The following NLRC4 variants were observed in gnomAD, a reference collection of about 807,000 sequenced individuals.
NLRC4 encodes the protein NLR family CARD domain-containing protein 4.
Under a neutral mutation model 79.9 loss-of-function variants are expected in NLRC4, and 63 were observed. That is an observed-to-expected ratio of 0.79 (90% confidence interval 0.64 to 0.97). The LOEUF is 0.97. Among genes scored for constraint, NLRC4 ranks in the 50% least tolerant of loss-of-function variants. The pLI is 0.00. For missense variants in NLRC4, 1,074 were observed against 1,215.2 expected (o/e 0.88, Z 1.73); for synonymous variants, 461 against 456.5 (o/e 1.01, Z -0.12).
chr2:32,262,111 A>G (rs746237165), intron 1 of NLRC4, among the ~76,000 whole-genome samples: 9 of 152,060 alleles, frequency 5.9e-5, no homozygotes, highest in Non-Finnish European at 1.3e-4. Flanking sequence ...AAAGAAAAGA[A>G]AAGAAATTGG....
chr2:32,260,309 A>G (rs747840764), intron 1 of NLRC4, among the ~76,000 whole-genome samples: 4 of 151,258 alleles, frequency 2.6e-5, no homozygotes, highest in Non-Finnish European at 4.4e-5. Flanking sequence ...GATTGGGGCT[A>G]TCATAAATAC....
chr2:32,252,950 G>A (rs910590893), intron 2 of NLRC4, among the ~76,000 whole-genome samples: 4 of 151,826 alleles, frequency 2.6e-5, no homozygotes, highest in Non-Finnish European at 4.4e-5. Flanking sequence ...CCCAGGAGGC[G>A]GAGCTTGCAG....
chr2:32,242,031 T>A (rs1686817482), intron 4 of NLRC4, among the ~76,000 whole-genome samples: 2 of 152,128 alleles, frequency 1.3e-5, no homozygotes, highest in Admixed American at 6.5e-5. Context: ...AAAGTTATTA[T>A]GCCTTTATTA....
chr2:32,229,256 C>T (rs1686475873), intron 8 of NLRC4, among the ~76,000 whole-genome samples: 1 of 151,590 alleles, frequency 6.6e-6, no homozygotes, highest in African/African-American at 2.4e-5. Flanking sequence ...ATGATGAAAC[C>T]TCGTCTCTAC....
intron 8 of NLRC4, among the ~76,000 whole-genome samples, chr2:32,227,688 A>G (rs1003030023): frequency 3.9e-5 from 6 of 152,336 alleles, no homozygotes; most frequent in African/African-American, 1.4e-4. Context: ...CTTATCATCA[A>G]TTTAAGAGAG....
In NLRC4 at chr2:32,261,316, C is replaced by CCTTTTTTTTTTTTTTTTTTTTTTT; in HGVS notation, c.-119+3421_-119+3422insAAAAAAAAAAAAAAAAAAAAAAAG. Among the ~76,000 whole-genome samples, 12 of 96,884 alleles carry CCTTTTTTTTTTTTTTTTTTTTTTT rather than the reference C, an allele frequency of 1.2e-4. 2 individuals are homozygous for CCTTTTTTTTTTTTTTTTTTTTTTT. The highest frequency in any genetic ancestry group is 4.5e-4 in the African/African-American group (11 of 24,178). The allele number at this position is 96,884 out of a possible 152,430, so 63.6% of individuals were successfully genotyped here. A position where few individuals can be genotyped will look rare whatever the true frequency, so the allele number is the denominator to read the frequency against. On this transcript the variant is annotated intron_variant, in intron 1 of 8. Coordinates refer to ENST00000402280, the MANE Select transcript of NLRC4 (RefSeq NM_001199138.2). ...TTCTTTCGCCTATTAAGCCTCCCCC[C>CCTTTTTTTTTTTTTTTTTTTTTTT]TTTTGTTTTTTTTTGAGATGGAGCC...
At chr2:32,248,893 G>A (rs186169725) in intron 4 of NLRC4, among the ~76,000 whole-genome samples, 11 of 152,044 alleles carry the variant, frequency 7.2e-5, no homozygotes, top group South Asian at 2.1e-4. Flanking sequence ...TAAACAATTC[G>A]CAACTCATCC....
intron 8 of NLRC4, among the ~76,000 whole-genome samples, chr2:32,225,954 G>A (rs1255221321): frequency 2.0e-5 from 3 of 152,170 alleles, no homozygotes; most frequent in African/African-American, 7.2e-5. Flanking sequence ...TTATGGAAAT[G>A]AAGGTCCATG....
chr2:32,237,405 G>C (rs1474283457), intron 6 of NLRC4, among the ~76,000 whole-genome samples: 1 of 152,128 alleles, frequency 6.6e-6, no homozygotes, highest in Non-Finnish European at 1.5e-5. Flanking sequence ...TCAGTAAGTA[G>C]AGAAATAAAG....
At chr2:32,236,038 T>C (rs1686665316) in intron 7 of NLRC4, among the ~76,000 whole-genome samples, 1 of 152,134 alleles carries the variant, frequency 6.6e-6, no homozygotes, top group South Asian at 2.1e-4. Context: ...CGCCTCAAAG[T>C]GCAGTGAGCA....
chr2:32,247,409 G>A (rs1231983586), intron 4 of NLRC4, among the ~76,000 whole-genome samples: 1 of 150,246 alleles, frequency 6.7e-6, no homozygotes, highest in East Asian at 2.0e-4. Flanking sequence ...CCACCTCCCA[G>A]GTTCAAGTGA....
intron 2 of NLRC4, among the ~76,000 whole-genome samples, chr2:32,253,096 C>G (rs1414277988): frequency 6.6e-6 from 1 of 152,140 alleles, no homozygotes; most frequent in Non-Finnish European, 1.5e-5. Flanking sequence ...GTGAGCATCT[C>G]CTGAGTTATG....
In NLRC4 at chr2:32,250,053, T is replaced by C. The variant is rs199475957; in HGVS notation, c.1811A>G (p.Asn604Ser). Residue 604 changes from asparagine to serine, a missense_variant, in exon 4 of 9, where the codon AAT (asparagine) becomes AGT (serine). Physicochemically the swap from Asn to Ser is conservative, Grantham distance 46. Transcript: ENST00000402280. This position sits in a 1 kb window ranked among gnomAD's most constrained non-coding sequence, Gnocchi z 4.9. Reference protein sequence around the residue: ...YLFDFFEHLPNCASALDFIKL... With the variant: ...YLFDFFEHLPSCASALDFIKL... Reference sequence around the variant, plus strand: ...AATGAAGTCCAGGGCACTTGCACAATTGGGCAAATGTTCAAAGAAGTCAAA... The same window carrying C: ...AATGAAGTCCAGGGCACTTGCACAACTGGGCAAATGTTCAAAGAAGTCAAA... The C allele has an allele frequency of 8.1e-6, 13 of 1,614,202 alleles. No homozygotes were observed. In the Admixed American group the frequency reaches 1.5e-4, roughly 19 times the overall value.
At chr2:32,253,975 A>AAG (rs1198066614) in intron 2 of NLRC4, among the ~76,000 whole-genome samples, 2 of 151,326 alleles carry the variant, frequency 1.3e-5, no homozygotes, top group Non-Finnish European at 2.9e-5. Flanking sequence ...AAAAAAAAAA[A>AAG]AAAAAAAAAG....
intron 2 of NLRC4, among the ~76,000 whole-genome samples, chr2:32,256,085 T>G (rs2148945958): frequency 6.6e-6 from 1 of 152,248 alleles, no homozygotes; most frequent in East Asian, 1.9e-4. Context: ...ATGTTATATC[T>G]CCTTGTATGT....
intron 3 of NLRC4, among the ~76,000 whole-genome samples, chr2:32,252,032 G>C (rs1051833697): frequency 4.6e-5 from 7 of 152,138 alleles, no homozygotes; most frequent in Non-Finnish European, 1.0e-4. Flanking sequence ...TGTCAGTCAG[G>C]CTGTCTTTAC....
In NLRC4 at chr2:32,256,698, C is replaced by T. The variant is rs1687214111; in HGVS notation, c.1+77G>A. On this transcript the variant is annotated intron_variant, in intron 2 of 8. Transcript: ENST00000402280. ...ATGACTGGTCAGAGGAAGCCATGAA[C>T]TGATTTTCCATTTAAAATCACCAGT... 44 of 758,344 alleles carry T rather than the reference C, an allele frequency of 5.8e-5. 1 individual carries two copies. In the South Asian group the frequency reaches 5.9e-4, roughly 10 times the overall value. The allele number at this position is 758,344 out of a possible 1,614,324, so 47.0% of individuals were successfully genotyped here. A position where few individuals can be genotyped will look rare whatever the true frequency, so the allele number is the denominator to read the frequency against.
At chr2:32,251,859 G>C (rs567080117) in intron 3 of NLRC4, among the ~76,000 whole-genome samples, 8 of 152,264 alleles carry the variant, frequency 5.3e-5, no homozygotes, top group African/African-American at 1.9e-4. Flanking sequence ...AAAGGGAGGA[G>C]CTTGTTTTTG....
intron 8 of NLRC4, among the ~76,000 whole-genome samples, chr2:32,226,522 C>T (rs1460639935): frequency 6.6e-6 from 1 of 152,248 alleles, no homozygotes; most frequent in African/African-American, 2.4e-5. Flanking sequence ...CTTCATGTCT[C>T]TTACCCATGG....
Sources: allele counts gnomAD v4.1 joint callset (sites outside exome capture counted in the v4.1 genomes callset), GRCh38; gene constraint gnomAD v4.1.1; non-coding constraint Gnocchi (gnomAD v3.1); transcripts MANE v1.5; gene names NCBI Gene and HGNC (gene_info 2026-07-23, HGNC 2026-07-21).